The following MECOM variants were observed in gnomAD, a reference collection of about 807,000 sequenced individuals.
The protein encoded by MECOM is histone-lysine N-methyltransferase MECOM.
A neutral mutation model predicts 116.3 loss-of-function variants in MECOM; 13 were observed. The ratio of observed to expected loss-of-function variants is 0.11; its 90% CI spans 0.07 to 0.18. MECOM has a LOEUF of 0.18. Ranked by LOEUF, MECOM falls within the 10% of genes least tolerant of loss-of-function variation. The probability of loss-of-function intolerance (pLI) is 1.00; values close to 1 mark genes in which losing one functional copy is unlikely to be tolerated. For synonymous variants in MECOM, 528 were observed against 535.2 expected (o/e 0.99, Z 0.19); for missense variants, 1,299 against 1,509.0 (o/e 0.86, Z 2.31).
chr3:169,155,289 G>A (rs1741784760), intron 2 of MECOM, among the ~76,000 whole-genome samples: 1 of 152,094 alleles, frequency 6.6e-6, no homozygotes, highest in Non-Finnish European at 1.5e-5. Flanking sequence ...GCACAATATT[G>A]CCATACTTGC....
At chr3:169,470,417 C>T (rs1749023490) in intron 1 of MECOM, among the ~76,000 whole-genome samples, 1 of 152,036 alleles carries the variant, frequency 6.6e-6, no homozygotes, top group Admixed American at 6.6e-5. Context: ...ACAGCAAAAC[C>T]ACACTCAGAT....
At chr3:169,158,002 A>G (rs1742261002) in intron 2 of MECOM, among the ~76,000 whole-genome samples, 1 of 152,230 alleles carries the variant, frequency 6.6e-6, no homozygotes, top group Middle Eastern at 3.2e-3. Flanking sequence ...CTACAGGTTT[A>G]ACATTTTAAA....
intron 2 of MECOM, among the ~76,000 whole-genome samples, chr3:169,148,257 C>T (rs1349940702): frequency 6.6e-6 from 1 of 152,080 alleles, no homozygotes; most frequent in Admixed American, 6.6e-5. Context: ...ACACCTTGAA[C>T]GCCAAAACGT....
At chr3:169,475,988 T>A (rs1000544876) in intron 1 of MECOM, among the ~76,000 whole-genome samples, 1 of 152,234 alleles carries the variant, frequency 6.6e-6, no homozygotes, top group African/African-American at 2.4e-5. Context: ...AGTGAATTTG[T>A]GGCTTGATGC....
intron 2 of MECOM, among the ~76,000 whole-genome samples, chr3:169,220,183 A>T (rs954381751): frequency 9.9e-5 from 15 of 152,016 alleles, no homozygotes; most frequent in African/African-American, 3.6e-4. Flanking sequence ...CAAAAAAATT[A>T]TCCAGGCATG....
intron 2 of MECOM, among the ~76,000 whole-genome samples, chr3:169,313,848 T>TCCTCTC (rs1168531535): frequency 1.3e-5 from 2 of 152,128 alleles, no homozygotes; most frequent in African/African-American, 4.8e-5. Context: ...GAGGTAAGGA[T>TCCTCTC]ATAAGCAAAG....
At chr3:169,625,634 G>C (rs1258388050) in intron 1 of MECOM, among the ~76,000 whole-genome samples, 1 of 152,184 alleles carries the variant, frequency 6.6e-6, no homozygotes, top group East Asian at 1.9e-4. Context: ...TCATCTGAAA[G>C]ACTGAAATTC....
chr3:169,217,513 G>C (rs114341417), intron 2 of MECOM, among the ~76,000 whole-genome samples: 10 of 152,072 alleles, frequency 6.6e-5, no homozygotes, highest in Non-Finnish European at 5.9e-5. Context: ...GGCCGAGCAC[G>C]GTGGCTCACA....
At chr3:169,495,431 G>A (rs1753695737) in intron 1 of MECOM, among the ~76,000 whole-genome samples, 1 of 152,094 alleles carries the variant, frequency 6.6e-6, no homozygotes, top group Non-Finnish European at 1.5e-5. Context: ...AATATTCTGA[G>A]CTACAATTAG....
intron 8 of MECOM, among the ~76,000 whole-genome samples, chr3:169,114,399 G>C (rs1471644238): frequency 6.6e-6 from 1 of 152,252 alleles, no homozygotes; most frequent in East Asian, 1.9e-4. Context: ...ATACATAGAA[G>C]AAGAATTGTA....
At chr3:169,369,796 T>A (rs1453576095) in intron 2 of MECOM, among the ~76,000 whole-genome samples, 1 of 152,078 alleles carries the variant, frequency 6.6e-6, no homozygotes, top group African/African-American at 2.4e-5. Context: ...AAATTGAATA[T>A]CCAAACTATA....
chr3:169,111,925 T>A (rs1043444536), intron 9 of MECOM, among the ~76,000 whole-genome samples: 4 of 152,140 alleles, frequency 2.6e-5, no homozygotes, highest in African/African-American at 9.7e-5. Flanking sequence ...AGAACCATCA[T>A]TTTTTGTTTG....
Position 169,513,464 on chromosome 3 carries a change from A to C in MECOM, c.38-131940T>G, listed in dbSNP as rs1271324344. 3.3e-5 allele frequency among the ~76,000 whole-genome samples: 5 copies of C among 152,330 alleles called. No homozygotes were observed. In the East Asian group the frequency reaches 9.6e-4, roughly 29 times the overall value. On this transcript the variant is annotated intron_variant, in intron 1 of 16. Transcript: ENST00000651503. ...CATAGTTCAGAAGGCAATAGTTACT[A>C]ATAGTTTAAAAAGTTGTGCTTTAAG...
At chr3:169,147,600 C>T (rs1483066033) in intron 2 of MECOM, 29 of 985,394 alleles carry the variant, frequency 2.9e-5, no homozygotes, top group Non-Finnish European at 3.5e-5. Context: ...GATGCACCAT[C>T]CCCCTTAAAC....
chr3:169,263,124 TA>T lies in MECOM; in HGVS notation c.375+118062del, dbSNP rs1560061176. ...ATATATATATATATATATATATATA[TA>T]TATGTTTTTTTTTTTTTTTTTGAGA... On this transcript the variant is annotated intron_variant, in intron 2 of 16. Coordinates refer to ENST00000651503, the MANE Select transcript of MECOM (RefSeq NM_004991.4). Among the ~76,000 whole-genome samples, 26 of 60,942 alleles carry T rather than the reference TA, an allele frequency of 4.3e-4. 1 individual carries two copies. The highest frequency in any genetic ancestry group is 2.0e-3 in the African/African-American group (21 of 10,650). The allele number at this position is 60,942 out of a possible 152,430, so 40.0% of individuals were successfully genotyped here. A position where few individuals can be genotyped will look rare whatever the true frequency, so the allele number is the denominator to read the frequency against.
chr3:169,539,707 G>C (rs944636872), intron 1 of MECOM, among the ~76,000 whole-genome samples: 11 of 151,966 alleles, frequency 7.2e-5, no homozygotes, highest in African/African-American at 2.7e-4. Flanking sequence ...CCAGTAGCCA[G>C]AGTAATCTTT....
chr3:169,357,138 C>G (rs949695469), intron 2 of MECOM, among the ~76,000 whole-genome samples: 1 of 151,834 alleles, frequency 6.6e-6, no homozygotes, highest in African/African-American at 2.4e-5. Context: ...CCAATACCCA[C>G]TAGTAATCAT....
At chr3:169,430,880 G>A (rs2108553611) in intron 1 of MECOM, among the ~76,000 whole-genome samples, 1 of 152,196 alleles carries the variant, frequency 6.6e-6, no homozygotes, top group South Asian at 2.1e-4. Flanking sequence ...TTCAAAGTGA[G>A]GCCAAAAATG....
At chr3:169,294,049 TAC>T (rs1047907854) in intron 2 of MECOM, among the ~76,000 whole-genome samples, 14 of 152,240 alleles carry the variant, frequency 9.2e-5, no homozygotes, top group African/African-American at 3.4e-4. Flanking sequence ...ATGTAGGTTA[TAC>T]ACACACACTT....
Sources: gnomAD v4.1 joint callset for allele counts (sites outside exome capture counted in the v4.1 genomes callset) on GRCh38, gnomAD v4.1.1 for gene constraint, MANE v1.5 for transcripts, NCBI Gene and HGNC (gene_info 2026-07-23, HGNC 2026-07-21) for gene names.